The following MTMR1 variants were observed in gnomAD, a reference collection of about 807,000 sequenced individuals.
MTMR1 encodes myotubularin related protein 1.
A neutral mutation model predicts 51.6 loss-of-function variants in MTMR1; 17 were observed. That is an observed-to-expected ratio of 0.33 (90% confidence interval 0.23 to 0.49). The LOEUF (loss-of-function observed/expected upper bound fraction) is 0.49. Ranked by LOEUF, MTMR1 falls within the 20% of genes least tolerant of loss-of-function variation. The probability of loss-of-function intolerance (pLI) is 0.99; values close to 1 mark genes in which losing one functional copy is unlikely to be tolerated. For missense variants in MTMR1, 386 were observed against 526.9 expected (o/e 0.73, Z 2.62); for synonymous variants, 201 against 205.6 (o/e 0.98, Z 0.19).
chrX:150,733,413 A>G (rs782160957), intron 10 of MTMR1, among the ~76,000 whole-genome samples: 1 of 111,217 alleles, frequency 9.0e-6, no homozygotes, highest in Admixed American at 9.6e-5. Context: ...TGCTGAGTTC[A>G]ACTTGAGCTT....
At chrX:150,704,468 T>C (rs1162562291) in intron 2 of MTMR1, among the ~76,000 whole-genome samples, 2 of 111,987 alleles carry the variant, frequency 1.8e-5, no homozygotes, top group Non-Finnish European at 3.8e-5. Context: ...CAGGGGAGAC[T>C]GAGTGAAGAG....
At chrX:150,713,907 ATG>A (rs1557416303) in intron 3 of MTMR1, among the ~76,000 whole-genome samples, 1 of 71,514 alleles carries the variant, frequency 1.4e-5, no homozygotes, top group Non-Finnish European at 2.9e-5. Context: ...ATGTATATAT[ATG>A]TGTGTATACA....
At chrX:150,718,930 AGG>A in intron 4 of MTMR1, among the ~76,000 whole-genome samples, 1 of 110,900 alleles carries the variant, frequency 9.0e-6, no homozygotes, top group East Asian at 2.8e-4. Flanking sequence ...CCAACAGAAG[AGG>A]GGCCTGACTT....
At chrX:150,733,799 C>T (rs1557417075) in intron 10 of MTMR1, among the ~76,000 whole-genome samples, 1 of 111,334 alleles carries the variant, frequency 9.0e-6, no homozygotes, top group African/African-American at 3.3e-5. Flanking sequence ...TGAGTGCATC[C>T]TCAGGGCACA....
intron 15 of MTMR1, among the ~76,000 whole-genome samples, chrX:150,760,878 G>C (rs971872198): frequency 1.9e-5 from 2 of 107,089 alleles, no homozygotes; most frequent in Admixed American, 1.0e-4. Flanking sequence ...AGTGAGCTGA[G>C]ATCGTGCCGC....
In MTMR1 at chrX:150,718,660, A is replaced by G; in HGVS notation, c.312A>G (p.Glu104=). ...ATGGAAATAAGCTGGCACAGATGGA[A>G]GAGGCTCCACTTTTCCCAGGAGAAT... ...LRDGNKLAQM[E]EAPLFPGESI... is the part of the protein sequence containing the mutation. Residue 104 remains glutamate (E), a synonymous_variant, in exon 4 of 16, where the codon GAA becomes GAG. Transcript: ENST00000445323. 1 of 1,119,034 alleles carries G rather than the reference A, an allele frequency of 8.9e-7. No individual in the cohort carries two copies. Among genetic ancestry groups the G allele is most frequent in the East Asian group, 3.5e-5 (1 of 28,215 alleles). 92.2% of individuals were successfully genotyped at this position (1,119,034 alleles called of 1,213,427 possible).
intron 4 of MTMR1, among the ~76,000 whole-genome samples, chrX:150,719,208 T>A (rs1212319819): frequency 9.0e-6 from 1 of 111,400 alleles, no homozygotes; most frequent in Non-Finnish European, 1.9e-5. Context: ...GCCAGGCCTT[T>A]CAGGGAGTAG....
chrX:150,699,399 A>G, intron 2 of MTMR1, 99 bp downstream of exon 2: 3 of 504,870 alleles, frequency 5.9e-6, no homozygotes, highest in Non-Finnish European at 9.6e-6. Flanking sequence ...TTGATGCAAC[A>G]TGGCCATTTG....
chrX:150,693,790 G>A (rs1765495851), intron 1 of MTMR1, 114 bp downstream of exon 1: 1 of 520,004 alleles, frequency 1.9e-6, no homozygotes, highest in African/African-American at 2.5e-5. Context: ...TGGCGGGGTG[G>A]GCGGCCCCTC....
At position 150,762,684 on chromosome X, in the gene MTMR1, C is replaced by T. The variant is rs376708295; in HGVS notation, c.1977C>T (p.Gly659=). The T allele has an allele frequency of 1.7e-6, 2 of 1,189,123 alleles. No homozygotes were observed. Among genetic ancestry groups the T allele is most frequent in the South Asian group, 1.8e-5 (1 of 54,215 alleles). Residue 659 remains glycine, a synonymous_variant, in exon 16 of 16, where the codon GGC becomes GGT. Transcript: ENST00000445323. ...CCGTCTCATCCTCATCTGAGCGGGG[C>T]TCCTCGCCCTCCCACTCCGCCACCT... ...TRAVSSSSER[G]SSPSHSATSV... is the part of the protein sequence containing the mutation.
intron 12 of MTMR1, among the ~76,000 whole-genome samples, chrX:150,741,030 G>A (rs1169168503): frequency 8.9e-6 from 1 of 111,736 alleles, no homozygotes; most frequent in African/African-American, 3.3e-5. Context: ...ATTTCAACAC[G>A]AGGTTTAGGA....
Position 150,750,048 on chromosome X carries a change from T to G in MTMR1, c.1567-682T>G, listed in dbSNP as rs781880665. On this transcript the variant is annotated intron_variant, in intron 13 of 15. Transcript: ENST00000445323. ...AGGAGAATCACTTGAACCCTGGTGG[T>G]GGAGGTTGCAGTGAGCCGAGATGGC... 3.1e-4 allele frequency among the ~76,000 whole-genome samples: 34 copies of G among 109,725 alleles called. No individual in the cohort carries two copies. The Admixed American group carries it at 3.3e-3, about 11-fold the overall frequency.
intron 2 of MTMR1, among the ~76,000 whole-genome samples, chrX:150,707,545 C>T (rs2041155299): frequency 8.9e-6 from 1 of 112,088 alleles, no homozygotes; most frequent in Non-Finnish European, 1.9e-5. Context: ...ATCGCTATAT[C>T]CTATTGGAAT....
chrX:150,748,654 C>CA (rs201735055), intron 13 of MTMR1, among the ~76,000 whole-genome samples: 2,269 of 88,796 alleles, frequency 0.026, 31 homozygotes, highest in Non-Finnish European at 0.037. Flanking sequence ...CTTGTCTTTA[C>CA]AAAAAAAAAA....
chrX:150,706,291 A>G (rs184336980), intron 2 of MTMR1, among the ~76,000 whole-genome samples: 89 of 111,767 alleles, frequency 8.0e-4, no homozygotes, highest in African/African-American at 2.6e-3. Flanking sequence ...TTTCCAATAC[A>G]TGAAATTTAG....
At position 150,764,048 on chromosome X, in the gene MTMR1, C is replaced by G. The variant is rs2242560; in HGVS notation, c.*1319C>G. 0.31 allele frequency: 33,951 copies of G among 111,285 alleles called. 4,760 individuals carry two copies. The highest frequency in any genetic ancestry group is 0.72 in the East Asian group (2,514 of 3,479). The allele number at this position is 111,285 out of a possible 1,213,427, so 9.2% of individuals were successfully genotyped here. A position where few individuals can be genotyped will look rare whatever the true frequency, so the allele number is the denominator to read the frequency against. On this transcript the variant is annotated 3_prime_UTR_variant, in exon 16 of 16. Transcript: ENST00000445323. ...GTGCCTGTTGCTGCAGCTGCCCCCC[C>G]ACCCCGCCACTGGCTGCAGGAATTC...
rs1289210639 is a variant in MTMR1 at position 150,731,346 on chromosome X, T to C, written c.742-124T>C. On this transcript the variant is annotated intron_variant, in intron 8 of 15. Transcript: ENST00000445323. Reference sequence around the variant, plus strand: ...ATATATATTGACTTTTAAGTTACAATAAACAATAAATTATAAACGGATTTT... The same window carrying C: ...ATATATATTGACTTTTAAGTTACAACAAACAATAAATTATAAACGGATTTT... 7 of 570,930 alleles carry C rather than the reference T, an allele frequency of 1.2e-5. No individual in the cohort carries two copies. The African/African-American group carries it at 1.7e-4, about 14-fold the overall frequency. The allele number at this position is 570,930 out of a possible 1,213,427, so 47.1% of individuals were successfully genotyped here.
intron 4 of MTMR1, among the ~76,000 whole-genome samples, chrX:150,726,665 C>T (rs897104418): frequency 6.3e-5 from 7 of 111,989 alleles, no homozygotes; most frequent in African/African-American, 2.0e-4. Context: ...CTTCTTAACA[C>T]TAATGGGAAT....
At chrX:150,758,550 T>C (rs1252918126) in intron 15 of MTMR1, among the ~76,000 whole-genome samples, 2 of 111,738 alleles carry the variant, frequency 1.8e-5, no homozygotes, top group Non-Finnish European at 3.8e-5. Context: ...TCCTAGCACT[T>C]TGGGAGGCCG....
Sources: allele counts gnomAD v4.1 joint callset (sites outside exome capture counted in the v4.1 genomes callset), GRCh38; gene constraint gnomAD v4.1.1; transcripts MANE v1.5; gene names NCBI Gene and HGNC (gene_info 2026-07-23, HGNC 2026-07-21).